The following SCTR variants were observed in gnomAD, a reference collection of about 807,000 sequenced individuals.
The protein encoded by SCTR is pancreatic secretin receptor.
In SCTR, 56 loss-of-function variants were observed where a neutral mutation model predicts 60.8. The observed-to-expected ratio is 0.92, with a 90% CI of 0.74 to 1.15. The LOEUF is 1.15. Ranked by LOEUF, SCTR falls within the 50% of genes most tolerant of loss-of-function variation. The probability of loss-of-function intolerance (pLI) is 0.00; values close to 1 mark genes in which losing one functional copy is unlikely to be tolerated. For missense variants in SCTR, 562 were observed against 550.4 expected, an observed-to-expected ratio of 1.02 and a Z score of -0.21; for synonymous variants, 202 against 217.0, an observed-to-expected ratio of 0.93 and a Z score of 0.61.
intron 7 of SCTR, among the ~76,000 whole-genome samples, chr2:119,461,130 T>A (rs899832055): frequency 6.6e-6 from 1 of 152,222 alleles, no homozygotes; most frequent in Admixed American, 6.5e-5. Flanking sequence ...CTGAAGTTGG[T>A]GATCACTGGA....
chr2:119,456,301 C>G (rs1271994668), intron 7 of SCTR, among the ~76,000 whole-genome samples: 1 of 152,140 alleles, frequency 6.6e-6, no homozygotes, highest in Non-Finnish European at 1.5e-5. Context: ...CTCAAGTGAT[C>G]TGCCCACCTT....
chr2:119,478,907 T>A lies in SCTR; in HGVS notation c.205A>T (p.Met69Leu), dbSNP rs1195925998. 6.2e-7 allele frequency: 1 copy of A among 1,614,074 alleles called. No homozygotes were observed. The highest frequency in any genetic ancestry group is 2.2e-5 in the East Asian group (1 of 44,864). ...GGCCAGCAGCTTATGTTGTCCCACATCCCCTCACAACCTGCCAAGAAAAGC... is the reference window on the plus strand; with the variant it reads ...GGCCAGCAGCTTATGTTGTCCCACAACCCCTCACAACCTGCCAAGAAAAGC... ...TEQPVPGCEG[M>L]WDNISCWPSS... Residue 69 changes from methionine (M) to leucine (L), a missense_variant, in exon 3 of 13, where the codon ATG becomes TTG. Met to Leu is a conservative substitution (Grantham distance 15). Coordinates refer to ENST00000019103, the MANE Select transcript of SCTR (RefSeq NM_002980.3).
chr2:119,469,637 G>C (rs1676906893), intron 4 of SCTR, among the ~76,000 whole-genome samples: 1 of 152,122 alleles, frequency 6.6e-6, no homozygotes, highest in South Asian at 2.1e-4. Flanking sequence ...CTACAGGCAA[G>C]TGCCATCACA....
intron 1 of SCTR, among the ~76,000 whole-genome samples, chr2:119,512,226 C>T (rs1008542801): frequency 3.3e-5 from 5 of 151,996 alleles, no homozygotes; most frequent in African/African-American, 9.7e-5. Flanking sequence ...GAGTATCGGA[C>T]GAGGTGCACT....
chr2:119,520,804 C>T (rs1679264153), intron 1 of SCTR, among the ~76,000 whole-genome samples: 1 of 152,166 alleles, frequency 6.6e-6, no homozygotes, highest in Non-Finnish European at 1.5e-5. Context: ...TCCTCTGACT[C>T]AGATGCCGTA....
chr2:119,520,070 A>C (rs1266449939), intron 1 of SCTR, among the ~76,000 whole-genome samples: 1 of 152,180 alleles, frequency 6.6e-6, no homozygotes, highest in African/African-American at 2.4e-5. Context: ...AGGAGCCTTC[A>C]TCATCCTTCA....
intron 2 of SCTR, among the ~76,000 whole-genome samples, chr2:119,481,687 C>A (rs1677610625): frequency 6.6e-6 from 1 of 152,162 alleles, no homozygotes; most frequent in Non-Finnish European, 1.5e-5. Context: ...ACAGATGCCT[C>A]CCCCACCACC....
chr2:119,461,427 G>A (rs951295503), intron 7 of SCTR, among the ~76,000 whole-genome samples: 6 of 152,202 alleles, frequency 3.9e-5, no homozygotes, highest in Non-Finnish European at 7.3e-5. Context: ...GATTACACAA[G>A]TTAGCTGGAT....
At chr2:119,507,751 T>C (rs1330878437) in intron 1 of SCTR, among the ~76,000 whole-genome samples, 1 of 145,604 alleles carries the variant, frequency 6.9e-6, no homozygotes, top group East Asian at 2.2e-4. Context: ...CGATCTTGGC[T>C]CACTGCAACC....
chr2:119,447,022 T>C (rs1464470784), intron 10 of SCTR, 137 bp from the exon 11 acceptor site: 1 of 919,386 alleles, frequency 1.1e-6, no homozygotes, highest in Non-Finnish European at 1.4e-6. Context: ...CTTTTTTGTT[T>C]TCATTTTTTA....
At chr2:119,513,084 G>A (rs1679007852) in intron 1 of SCTR, among the ~76,000 whole-genome samples, 2 of 152,218 alleles carry the variant, frequency 1.3e-5, no homozygotes, top group African/African-American at 2.4e-5. Flanking sequence ...CCAAGAGGGA[G>A]CCCACTGCTG....
intron 3 of SCTR, among the ~76,000 whole-genome samples, chr2:119,475,227 C>G (rs1010161490): frequency 6.6e-6 from 1 of 152,112 alleles, no homozygotes; most frequent in South Asian, 2.1e-4. Flanking sequence ...TGGGAAACAA[C>G]GGTGGTCAAA....
At chr2:119,481,833 G>T (rs1401896591) in intron 2 of SCTR, among the ~76,000 whole-genome samples, 2 of 152,214 alleles carry the variant, frequency 1.3e-5, no homozygotes, top group African/African-American at 4.8e-5. Context: ...GTCCCGCCAG[G>T]CATCCCTCAT....
intron 4 of SCTR, among the ~76,000 whole-genome samples, chr2:119,467,306 G>C (rs774414322): frequency 2.0e-5 from 3 of 151,926 alleles, no homozygotes; most frequent in Non-Finnish European, 4.4e-5. Context: ...TTGAACCCGG[G>C]AGGTGGGGGT....
intron 1 of SCTR, among the ~76,000 whole-genome samples, chr2:119,498,729 A>G (rs1008656782): frequency 2.6e-5 from 4 of 152,124 alleles, no homozygotes; most frequent in African/African-American, 9.6e-5. Context: ...TTAAAGAGAT[A>G]CACTCAAAAG....
chr2:119,460,268 G>A (rs1437507294), intron 7 of SCTR, among the ~76,000 whole-genome samples: 1 of 152,068 alleles, frequency 6.6e-6, no homozygotes, highest in Non-Finnish European at 1.5e-5. Flanking sequence ...AGAAGCTAAT[G>A]CTTGGTGCAC....
intron 10 of SCTR, among the ~76,000 whole-genome samples, chr2:119,447,642 G>A (rs532271456): frequency 6.6e-6 from 1 of 152,206 alleles, no homozygotes; most frequent in Non-Finnish European, 1.5e-5. Context: ...CGCAATCGCG[G>A]CTCACTGCAA....
Position 119,514,552 on chromosome 2 carries a change from C to G in SCTR, c.72+9603G>C, listed in dbSNP as rs1039380923. Among the ~76,000 whole-genome samples, 3 of 152,096 alleles carry G rather than the reference C, an allele frequency of 2.0e-5. No homozygotes were observed. In the East Asian group the frequency reaches 5.8e-4, roughly 29 times the overall value. On this transcript the variant is annotated intron_variant, in intron 1 of 12. Coordinates refer to ENST00000019103, the MANE Select transcript of SCTR (RefSeq NM_002980.3). The stretch of plus-strand genomic sequence containing the variant: ...GACTCTTAAGTCAAGATGGCAAAAT[C>G]TGGGAGGAGATATAATAAAAATCTT...
chr2:119,498,329 G>T (rs1215981281), intron 1 of SCTR, among the ~76,000 whole-genome samples: 1 of 152,054 alleles, frequency 6.6e-6, no homozygotes, highest in Non-Finnish European at 1.5e-5. Context: ...AAAAGTAAAA[G>T]AATTTGTTGC....
Sources: gnomAD v4.1 joint callset for allele counts (sites outside exome capture counted in the v4.1 genomes callset) on GRCh38, gnomAD v4.1.1 for gene constraint, MANE v1.5 for transcripts, NCBI Gene and HGNC (gene_info 2026-07-23, HGNC 2026-07-21) for gene names.